Variants in WDPCP observed in about 807,000 individuals in gnomAD.
WDPCP encodes WD repeat containing planar cell polarity effector, also known as WD repeat-containing and planar cell polarity effector protein fritz homolog.
Under a neutral mutation model 93.1 loss-of-function variants are expected in WDPCP, and 71 were observed. The observed-to-expected ratio is 0.76, with a 90% CI of 0.63 to 0.93. WDPCP has a LOEUF of 0.93. WDPCP is among the 40% of genes least tolerant of loss of function. WDPCP has a pLI of 0.00. For missense variants in WDPCP, 844 were observed against 887.4 expected, an observed-to-expected ratio of 0.95 and a Z score of 0.62; for synonymous variants, 315 against 315.0, an observed-to-expected ratio of 1.00 and a Z score of 0.00.
intron 9 of WDPCP, among the ~76,000 whole-genome samples, chr2:63,416,065 T>C (rs1695392451): frequency 6.6e-6 from 1 of 152,100 alleles, no homozygotes; most frequent in Non-Finnish European, 1.5e-5. Context: ...ATGAACCAAA[T>C]AAAAACTAAA....
chr2:63,745,638 G>A (rs997205446), intron 2 of WDPCP, among the ~76,000 whole-genome samples: 4 of 76,630 alleles, frequency 5.2e-5, no homozygotes, highest in Non-Finnish European at 1.2e-4. Flanking sequence ...GCGCATGCAC[G>A]CACTTACACA....
At chr2:63,150,229 G>C (rs1235638490) in intron 17 of WDPCP, among the ~76,000 whole-genome samples, 1 of 152,136 alleles carries the variant, frequency 6.6e-6, no homozygotes, top group Non-Finnish European at 1.5e-5. Flanking sequence ...CCATATTTTT[G>C]TATGTGTGGC....
chr2:63,448,450 A>T (rs1356874455), intron 6 of WDPCP, among the ~76,000 whole-genome samples: 1 of 151,932 alleles, frequency 6.6e-6, no homozygotes, highest in African/African-American at 2.4e-5. Context: ...ACACACACAC[A>T]CACACACACA....
intron 9 of WDPCP, among the ~76,000 whole-genome samples, chr2:63,414,217 A>G (rs554028113): frequency 1.3e-5 from 2 of 152,200 alleles, no homozygotes; most frequent in African/African-American, 4.8e-5. Context: ...GAACACTTCT[A>G]TGCTGCTGTT....
intron 7 of WDPCP, 74 bp downstream of exon 7, chr2:63,439,683 T>A: frequency 7.6e-7 from 1 of 1,315,920 alleles, no homozygotes; most frequent in Non-Finnish European, 1.1e-6. Context: ...TAATAATTAG[T>A]CTACCTGTTG....
chr2:63,179,037 C>CA (rs1674029794), intron 14 of WDPCP, among the ~76,000 whole-genome samples: 1 of 151,878 alleles, frequency 6.6e-6, no homozygotes, highest in Non-Finnish European at 1.5e-5. Context: ...CCCATTTCTA[C>CA]AAAAAGTACA....
chr2:63,268,236 C>T (rs1183482084), intron 13 of WDPCP, among the ~76,000 whole-genome samples: 1 of 152,000 alleles, frequency 6.6e-6, no homozygotes, highest in Admixed American at 6.5e-5. Flanking sequence ...AAGAAAGATA[C>T]TGTATGATCT....
intron 2 of WDPCP, among the ~76,000 whole-genome samples, chr2:63,740,926 T>C (rs1434319859): frequency 6.6e-6 from 1 of 152,190 alleles, no homozygotes. Context: ...TTGCTTTACT[T>C]CTAGTTCTTC....
chr2:63,801,353 G>A (rs1007939654), intron 2 of WDPCP, among the ~76,000 whole-genome samples: 2 of 152,062 alleles, frequency 1.3e-5, no homozygotes, highest in African/African-American at 2.4e-5. Context: ...TCGTGGTCTC[G>A]CTGACTTCAA....
chr2:63,822,168 CTGTTT>C (rs1438399500), intron 1 of WDPCP, among the ~76,000 whole-genome samples: 2 of 152,018 alleles, frequency 1.3e-5, no homozygotes, highest in African/African-American at 2.4e-5. Flanking sequence ...TGTAAAATGA[CTGTTT>C]TGTTTTATGT....
At chr2:63,673,376 C>T (rs1304559985) in intron 2 of WDPCP, among the ~76,000 whole-genome samples, 1 of 152,122 alleles carries the variant, frequency 6.6e-6, no homozygotes, top group Non-Finnish European at 1.5e-5. Context: ...CAGCTTGACA[C>T]ATGTGAAAGG....
chr2:63,301,800 T>C (rs1380882198), intron 13 of WDPCP, among the ~76,000 whole-genome samples: 2 of 151,882 alleles, frequency 1.3e-5, no homozygotes, highest in African/African-American at 4.8e-5. Flanking sequence ...CCTTTTTTTT[T>C]TTTTTCCACT....
intron 13 of WDPCP, among the ~76,000 whole-genome samples, chr2:63,298,461 T>C (rs924192349): frequency 4.0e-5 from 6 of 151,830 alleles, no homozygotes; most frequent in Admixed American, 2.6e-4. Context: ...ATTATCCCAT[T>C]GGCTGCCAGC....
At chr2:63,252,268 G>C (rs912147789) in intron 14 of WDPCP, among the ~76,000 whole-genome samples, 7 of 152,026 alleles carry the variant, frequency 4.6e-5, no homozygotes, top group African/African-American at 1.7e-4. Flanking sequence ...AACAAGCTAG[G>C]CATAGAAGGA....
intron 3 of WDPCP, among the ~76,000 whole-genome samples, chr2:63,607,893 G>A (rs1709570436): frequency 6.6e-6 from 1 of 151,200 alleles, no homozygotes; most frequent in South Asian, 2.1e-4. Flanking sequence ...AAATAATTTT[G>A]AGATAGATAT....
intron 15 of WDPCP, among the ~76,000 whole-genome samples, chr2:63,154,004 T>A (rs79322060): frequency 0.02 from 3,066 of 151,864 alleles, 99 homozygotes; most frequent in African/African-American, 0.069. Flanking sequence ...CACCAAAACA[T>A]AGAAAAAGAA....
At chr2:63,611,210 T>C (rs1302995887) in intron 3 of WDPCP, among the ~76,000 whole-genome samples, 1 of 152,256 alleles carries the variant, frequency 6.6e-6, no homozygotes, top group Non-Finnish European at 1.5e-5. Flanking sequence ...CAGTCTCCTA[T>C]TGATGGACTT....
intron 13 of WDPCP, among the ~76,000 whole-genome samples, chr2:63,284,872 G>C (rs1254348065): frequency 6.6e-6 from 1 of 152,172 alleles, no homozygotes; most frequent in Admixed American, 6.5e-5. Context: ...GGTAATAAGA[G>C]GGGACTATTG....
intron 14 of WDPCP, among the ~76,000 whole-genome samples, chr2:63,206,259 A>T (rs1676326760): frequency 6.6e-6 from 1 of 152,168 alleles, no homozygotes; most frequent in South Asian, 2.1e-4. Context: ...ATCAATATTC[A>T]TCAGAGATAT....
Sources: gnomAD v4.1 joint callset for allele counts (sites outside exome capture counted in the v4.1 genomes callset) on GRCh38, gnomAD v4.1.1 for gene constraint, MANE v1.5 for transcripts, NCBI Gene and HGNC (gene_info 2026-07-23, HGNC 2026-07-21) for gene names.